DNAH7: variants seen among roughly 807,000 people sequenced by gnomAD.
DNAH7 encodes the protein axonemal beta dynein heavy chain 7.
Under a neutral mutation model 444.6 loss-of-function variants are expected in DNAH7, and 397 were observed. The ratio of observed to expected loss-of-function variants is 0.89; its 90% CI spans 0.82 to 0.97. DNAH7 has a LOEUF of 0.97. Ranked by LOEUF, DNAH7 falls within the 50% of genes least tolerant of loss-of-function variation. The pLI, the probability that DNAH7 is intolerant of heterozygous loss-of-function variation, is 0.00. For synonymous variants in DNAH7, 1,636 were observed against 1,624.4 expected, an observed-to-expected ratio of 1.01 and a Z score of -0.17; for missense variants, 4,902 against 4,800.8, an observed-to-expected ratio of 1.02 and a Z score of -0.62.
intron 15 of DNAH7, among the ~76,000 whole-genome samples, chr2:195,973,593 T>A (rs1476460049): frequency 6.6e-6 from 1 of 152,080 alleles, no homozygotes; most frequent in African/African-American, 2.4e-5. Flanking sequence ...TGCCTCAGCC[T>A]CCCAGGTAGC....
At chr2:196,024,639 G>A (rs1415017468) in intron 7 of DNAH7, 135 bp from the exon 8 acceptor site, 2 of 489,716 alleles carry the variant, frequency 4.1e-6, no homozygotes, top group African/African-American at 4.2e-5. Flanking sequence ...AGAAATTTGT[G>A]CATTTATGAG....
At chr2:195,779,034 G>A (rs1393272933) in intron 58 of DNAH7, among the ~76,000 whole-genome samples, 4 of 151,900 alleles carry the variant, frequency 2.6e-5, no homozygotes, top group South Asian at 4.2e-4. Context: ...TAGTAGAGAC[G>A]GGGTTTCACC....
chr2:195,822,231 C>T (rs542966539), intron 49 of DNAH7, among the ~76,000 whole-genome samples: 24 of 152,270 alleles, frequency 1.6e-4, no homozygotes, highest in Middle Eastern at 3.4e-3. Context: ...AGTCCACAGG[C>T]TACATTTGCT....
At chr2:196,049,303 T>C (rs1575102967) in intron 3 of DNAH7, among the ~76,000 whole-genome samples, 1 of 152,214 alleles carries the variant, frequency 6.6e-6, no homozygotes, top group South Asian at 2.1e-4. Flanking sequence ...TAAGAAAACA[T>C]GTAAGACAGT....
At chr2:195,793,369 T>G (rs1353245929) in intron 57 of DNAH7, among the ~76,000 whole-genome samples, 1 of 152,232 alleles carries the variant, frequency 6.6e-6, no homozygotes, top group Non-Finnish European at 1.5e-5. Context: ...CTGTGTTTCA[T>G]AAATTCCTGG....
At chr2:195,744,396 G>A (rs1282375103) in intron 63 of DNAH7, among the ~76,000 whole-genome samples, 1 of 152,094 alleles carries the variant, frequency 6.6e-6, no homozygotes, top group African/African-American at 2.4e-5. Context: ...ACAGCTCAAG[G>A]AGGCCTGCCT....
intron 1 of DNAH7, 68 bp downstream of exon 1, chr2:196,068,629 C>G (rs1698565007): frequency 6.5e-7 from 1 of 1,546,644 alleles, no homozygotes; most frequent in Non-Finnish European, 8.7e-7. Flanking sequence ...GGAGGGGCTT[C>G]CACCACTTCC....
chr2:195,863,314 C>A (rs1424650747), intron 41 of DNAH7, among the ~76,000 whole-genome samples: 1 of 152,196 alleles, frequency 6.6e-6, no homozygotes, highest in Non-Finnish European at 1.5e-5. Context: ...CTGTCAAAAC[C>A]CACTCACGGG....
chr2:196,048,522 T>C (rs1393407638), intron 3 of DNAH7, 118 bp from the exon 4 acceptor site: 3 of 770,706 alleles, frequency 3.9e-6, no homozygotes, highest in East Asian at 5.3e-5. Flanking sequence ...AACATCTGGA[T>C]AGAAAATACT....
intron 24 of DNAH7, 60 bp from the exon 25 acceptor site, chr2:195,910,255 G>A: frequency 7.4e-7 from 1 of 1,346,298 alleles, no homozygotes; most frequent in South Asian, 1.6e-5. Flanking sequence ...CCATTCACAT[G>A]CCAAGAAGAG....
intron 63 of DNAH7, among the ~76,000 whole-genome samples, chr2:195,752,009 G>A (rs984146983): frequency 1.4e-4 from 21 of 152,124 alleles, no homozygotes; most frequent in Non-Finnish European, 1.3e-4. Context: ...AGTGGCTCAC[G>A]CCTGTAATCC....
intron 63 of DNAH7, among the ~76,000 whole-genome samples, chr2:195,753,321 G>A (rs985817049): frequency 6.6e-6 from 1 of 152,106 alleles, no homozygotes; most frequent in African/African-American, 2.4e-5. Flanking sequence ...AATATCCCCG[G>A]GAATAGTAGT....
chr2:196,026,985 G>T, intron 6 of DNAH7, 45 bp from the exon 7 acceptor site: 1 of 1,425,574 alleles, frequency 7.0e-7, no homozygotes, highest in South Asian at 1.4e-5. Flanking sequence ...AACAAAAGAA[G>T]TATGTTTATC....
At chr2:195,762,138 GTTTC>G (rs1326781756) in intron 61 of DNAH7, among the ~76,000 whole-genome samples, 3 of 151,948 alleles carry the variant, frequency 2.0e-5, no homozygotes, top group South Asian at 2.1e-4. Flanking sequence ...CTCTTTGCTT[GTTTC>G]TTTGTTTATG....
intron 46 of DNAH7, among the ~76,000 whole-genome samples, chr2:195,850,156 G>C (rs1232450979): frequency 2.0e-5 from 3 of 152,050 alleles, no homozygotes; most frequent in African/African-American, 7.2e-5. Flanking sequence ...TGTCTATAAG[G>C]GTGTAATATC....
At chr2:196,036,354 C>T (rs1369385528) in intron 5 of DNAH7, among the ~76,000 whole-genome samples, 5 of 152,054 alleles carry the variant, frequency 3.3e-5, no homozygotes. Flanking sequence ...TAAGGCCCCA[C>T]TGACATCCCC....
intron 51 of DNAH7, among the ~76,000 whole-genome samples, chr2:195,811,192 G>C (rs1221786879): frequency 6.6e-6 from 1 of 152,156 alleles, no homozygotes; most frequent in Non-Finnish European, 1.5e-5. Flanking sequence ...TTGTGTGTTT[G>C]AATAATCTTC....
intron 31 of DNAH7, among the ~76,000 whole-genome samples, chr2:195,890,039 G>A (rs1284425167): frequency 3.9e-5 from 6 of 152,130 alleles, no homozygotes; most frequent in Non-Finnish European, 8.8e-5. Context: ...AACCTTTTTT[G>A]TATACACCAA....
intron 24 of DNAH7, among the ~76,000 whole-genome samples, chr2:195,921,156 TCC>T (rs1192323064): frequency 8.5e-5 from 13 of 152,304 alleles, no homozygotes; most frequent in Non-Finnish European, 1.3e-4. Flanking sequence ...ATGTGGAGAT[TCC>T]TTAAAGAACT....
Sources: allele counts gnomAD v4.1 joint callset (sites outside exome capture counted in the v4.1 genomes callset), GRCh38; gene constraint gnomAD v4.1.1; transcripts MANE v1.5; gene names NCBI Gene and HGNC (gene_info 2026-07-23, HGNC 2026-07-21).